BRINP3: variants seen among roughly 807,000 people sequenced by gnomAD.
The protein encoded by BRINP3 is BMP/retinoic acid inducible neural specific 3.
BRINP3 carries 19 observed loss-of-function variants against 71.0 expected under a neutral mutation model. The observed-to-expected ratio is 0.27, with a 90% CI of 0.19 to 0.39. The LOEUF is 0.39. Among genes scored for constraint, BRINP3 ranks in the 10% least tolerant of loss-of-function variants. The probability of loss-of-function intolerance (pLI) is 1.00; values close to 1 mark genes in which losing one functional copy is unlikely to be tolerated. For synonymous variants in BRINP3, 380 were observed against 337.7 expected, an observed-to-expected ratio of 1.13 and a Z score of -1.37; for missense variants, 959 against 940.8, an observed-to-expected ratio of 1.02 and a Z score of -0.25.
chr1:190,405,345 G>A (rs1268196173), intron 2 of BRINP3, among the ~76,000 whole-genome samples: 1 of 151,352 alleles, frequency 6.6e-6, no homozygotes, highest in Non-Finnish European at 1.5e-5. Flanking sequence ...CAGCTACTCG[G>A]GAGGCTGAGG....
intron 6 of BRINP3, among the ~76,000 whole-genome samples, chr1:190,193,233 T>C (rs1332392380): frequency 6.6e-6 from 1 of 151,890 alleles, no homozygotes; most frequent in Admixed American, 6.6e-5. Context: ...GTGTTTGTGA[T>C]ATTAAAAAAA....
chr1:190,204,199 AAAATAAAT>A (rs1177057803), intron 6 of BRINP3, among the ~76,000 whole-genome samples: 11 of 152,034 alleles, frequency 7.2e-5, no homozygotes, highest in African/African-American at 2.6e-4. Context: ...AAAACTTTGT[AAAATAAAT>A]AAGACCTGAG....
chr1:190,402,740 T>C (rs928753334), intron 2 of BRINP3, among the ~76,000 whole-genome samples: 4 of 152,236 alleles, frequency 2.6e-5, no homozygotes, highest in Non-Finnish European at 5.9e-5. Context: ...TATTCATTTA[T>C]CTATTTATTT....
chr1:190,458,421 A>G (rs918579793), intron 1 of BRINP3, among the ~76,000 whole-genome samples: 4 of 152,128 alleles, frequency 2.6e-5, no homozygotes, highest in African/African-American at 9.6e-5. Context: ...GCCTAAGGCA[A>G]GCATGTAAGC....
At chr1:190,169,474 T>G (rs1651828745) in intron 6 of BRINP3, among the ~76,000 whole-genome samples, 1 of 152,176 alleles carries the variant, frequency 6.6e-6, no homozygotes, top group African/African-American at 2.4e-5. Flanking sequence ...TCTCCAATCC[T>G]TTTGTTGATT....
chr1:190,316,548 T>C lies in BRINP3; in HGVS notation c.237-34798A>G, dbSNP rs367563919. 1.7e-3 allele frequency among the ~76,000 whole-genome samples: 259 copies of C among 152,244 alleles called. 1 individual carries two copies. The highest frequency in any genetic ancestry group is 0.014 in the Middle Eastern group (4 of 294). On this transcript the variant is annotated intron_variant, in intron 2 of 7. Coordinates refer to ENST00000367462, the MANE Select transcript of BRINP3 (RefSeq NM_199051.3). ...ACAGATAATATTAATATGGTTAATA[T>C]AAACTATCACAGTATTTTACTAAAT...
intron 2 of BRINP3, among the ~76,000 whole-genome samples, chr1:190,305,389 G>C (rs990149627): frequency 1.5e-4 from 22 of 151,716 alleles, no homozygotes; most frequent in African/African-American, 5.3e-4. Context: ...AAGACAGTAT[G>C]GCATTTATAC....
intron 6 of BRINP3, among the ~76,000 whole-genome samples, chr1:190,181,304 G>T (rs10218638): frequency 0.12 from 18,803 of 151,966 alleles, 1,715 homozygotes; most frequent in South Asian, 0.26. Context: ...TACACTTTGT[G>T]TAATAATTTA....
chr1:190,377,948 T>C (rs932637788), intron 2 of BRINP3, among the ~76,000 whole-genome samples: 1 of 152,162 alleles, frequency 6.6e-6, no homozygotes, highest in Non-Finnish European at 1.5e-5. Context: ...ATAACACTAC[T>C]ACTCTAAACA....
At position 190,422,309 on chromosome 1, in the gene BRINP3, G is replaced by A. The variant is rs571142840; in HGVS notation, c.236+32346C>T. Among the ~76,000 whole-genome samples, 3 of 151,882 alleles carry A rather than the reference G, an allele frequency of 2.0e-5. No homozygotes were observed. In the Admixed American group the frequency reaches 2.0e-4, roughly 10 times the overall value. On this transcript the variant is annotated intron_variant, in intron 2 of 7. Coordinates refer to ENST00000367462, the MANE Select transcript of BRINP3 (RefSeq NM_199051.3). ...GAATGTGGTCGATTAGTCATTTTCAGCATAGAGATGGTTGACATATTTTGA... is the reference window on the plus strand; with the variant it reads ...GAATGTGGTCGATTAGTCATTTTCAACATAGAGATGGTTGACATATTTTGA...
intron 6 of BRINP3, among the ~76,000 whole-genome samples, chr1:190,214,829 C>T (rs1217064465): frequency 1.3e-5 from 2 of 151,870 alleles, no homozygotes; most frequent in South Asian, 2.1e-4. Flanking sequence ...TGCAGGATTA[C>T]CTAGCCTGTC....
At chr1:190,130,275 C>T (rs925933917) in intron 7 of BRINP3, among the ~76,000 whole-genome samples, 5 of 151,968 alleles carry the variant, frequency 3.3e-5, no homozygotes, top group African/African-American at 9.7e-5. Context: ...TTTGAAAAAT[C>T]AGGAGTCTAC....
At position 190,348,251 on chromosome 1, in the gene BRINP3, G is replaced by A. The variant is rs576663628; in HGVS notation, c.237-66501C>T. On this transcript the variant is annotated intron_variant, in intron 2 of 7. Transcript: ENST00000367462. ...AAAGATTTTTATCTGAGATATTATTGCCTTAGTCCTTTTTGGCCTGAAGAC... is the reference window on the plus strand; with the variant it reads ...AAAGATTTTTATCTGAGATATTATTACCTTAGTCCTTTTTGGCCTGAAGAC... 2.0e-5 allele frequency among the ~76,000 whole-genome samples: 3 copies of A among 152,058 alleles called. 1 individual carries two copies. In the South Asian group the frequency reaches 6.2e-4, roughly 32 times the overall value.
At chr1:190,262,164 G>A (rs1345315721) in intron 4 of BRINP3, among the ~76,000 whole-genome samples, 2 of 152,100 alleles carry the variant, frequency 1.3e-5, no homozygotes, top group African/African-American at 2.4e-5. Context: ...CATGATCATG[G>A]GTTTCTGGCT....
chr1:190,320,979 G>A (rs562091707), intron 2 of BRINP3, among the ~76,000 whole-genome samples: 8 of 151,850 alleles, frequency 5.3e-5, no homozygotes, highest in South Asian at 2.1e-4. Flanking sequence ...ACACACACAC[G>A]TATGTATATG....
At chr1:190,462,709 T>C (rs1303022762) in intron 1 of BRINP3, among the ~76,000 whole-genome samples, 1 of 152,120 alleles carries the variant, frequency 6.6e-6, no homozygotes, top group Non-Finnish European at 1.5e-5. Flanking sequence ...CAGTGTAGTA[T>C]ATATTAAGAT....
At chr1:190,180,902 A>G (rs922504485) in intron 6 of BRINP3, among the ~76,000 whole-genome samples, 2 of 152,074 alleles carry the variant, frequency 1.3e-5, no homozygotes, top group Admixed American at 1.3e-4. Context: ...GGTTCTACTA[A>G]TGATTGTATT....
chr1:190,172,960 C>A (rs779397960), intron 6 of BRINP3, among the ~76,000 whole-genome samples: 4 of 152,180 alleles, frequency 2.6e-5, no homozygotes, highest in Admixed American at 2.6e-4. Context: ...GCTTTCTATT[C>A]ATGACAGGGC....
At chr1:190,127,592 A>C (rs1654193659) in intron 7 of BRINP3, among the ~76,000 whole-genome samples, 1 of 151,934 alleles carries the variant, frequency 6.6e-6, no homozygotes, top group African/African-American at 2.4e-5. Flanking sequence ...ATCATAGCTA[A>C]GCTCACACAT....
Sources: allele counts gnomAD v4.1 joint callset (sites outside exome capture counted in the v4.1 genomes callset), GRCh38; gene constraint gnomAD v4.1.1; transcripts MANE v1.5; gene names NCBI Gene and HGNC (gene_info 2026-07-23, HGNC 2026-07-21).